The following STAB2 variants were observed in gnomAD, a reference collection of about 807,000 sequenced individuals.
STAB2 encodes stabilin 2.
Under a neutral mutation model 338.1 loss-of-function variants are expected in STAB2, and 288 were observed. The observed-to-expected ratio is 0.85, with a 90% CI of 0.77 to 0.94. STAB2 has a LOEUF of 0.94. Ranked by LOEUF, STAB2 falls within the 40% of genes least tolerant of loss-of-function variation. STAB2 has a pLI of 0.00. For missense variants in STAB2, 3,141 were observed against 3,210.1 expected (o/e 0.98, Z 0.52); for synonymous variants, 1,202 against 1,193.3 (o/e 1.01, Z -0.15).
At position 103,739,455 on chromosome 12, in the gene STAB2, G is replaced by A; in HGVS notation, c.5741G>A (p.Trp1914Ter). The change falls in exon 54 of 69, where the codon TGG becomes TAG. Residue 1914 changes from tryptophan (W) to a stop codon, truncating the protein, a stop_gained. Transcript: ENST00000388887. LOFTEE classifies it high-confidence loss of function. ...GTCAATACTCCCAGCTGCCCAAGGT[G>A]GAGTAAACCAAAGGTAATTAAGACT... ...SCVNTPSCPR[W>*]SKPKGVKQKC... is the part of the protein sequence containing the mutation. 2 of 1,592,996 alleles carry A rather than the reference G, an allele frequency of 1.3e-6. No individual in the cohort carries two copies. The highest frequency in any genetic ancestry group is 8.5e-7 in the Non-Finnish European group (1 of 1,169,740).
At chr12:103,682,431 C>T (rs746756866) in intron 25 of STAB2, among the ~76,000 whole-genome samples, 12 of 152,140 alleles carry the variant, frequency 7.9e-5, no homozygotes, top group Non-Finnish European at 1.3e-4. Context: ...ACCTTAATTA[C>T]GAGGAATGCT....
intron 25 of STAB2, among the ~76,000 whole-genome samples, chr12:103,682,039 T>C (rs1012057070): frequency 2.0e-5 from 3 of 152,194 alleles, no homozygotes; most frequent in African/African-American, 4.8e-5. Context: ...ACAAATGAAT[T>C]TGGGAATAAG....
At chr12:103,714,023 C>T (rs1312782151) in intron 42 of STAB2, among the ~76,000 whole-genome samples, 1 of 152,146 alleles carries the variant, frequency 6.6e-6, no homozygotes, top group East Asian at 1.9e-4. Flanking sequence ...AACATTTAAA[C>T]TTTTATTAGT....
intron 2 of STAB2, among the ~76,000 whole-genome samples, chr12:103,592,985 A>G (rs563680787): frequency 7.2e-5 from 11 of 152,300 alleles, no homozygotes; most frequent in Non-Finnish European, 1.0e-4. Context: ...TGTTGTCGCA[A>G]GTTACAAGAT....
chr12:103,717,963 A>G (rs1469786213), intron 44 of STAB2, 122 bp downstream of exon 44: 1 of 927,574 alleles, frequency 1.1e-6, no homozygotes, highest in East Asian at 2.4e-5. Context: ...CTGTGTGTTG[A>G]CCATGAGGCT....
intron 15 of STAB2, chr12:103,657,931 G>A (rs1198041547): frequency 6.6e-6 from 1 of 152,160 alleles, no homozygotes; most frequent in African/African-American, 2.4e-5. Flanking sequence ...TTTAGAAGAA[G>A]GGCTTCTAAT....
intron 20 of STAB2, 92 bp downstream of exon 20, chr12:103,668,821 A>G: frequency 8.6e-7 from 1 of 1,164,318 alleles, no homozygotes. Context: ...ACGTGGTCAC[A>G]GGTGGCCCGT....
chr12:103,632,652 T>C (rs1957480943), intron 6 of STAB2, among the ~76,000 whole-genome samples: 1 of 152,162 alleles, frequency 6.6e-6, no homozygotes, highest in South Asian at 2.1e-4. Flanking sequence ...GAACTCTGGG[T>C]GCACCGCTGG....
At chr12:103,676,837 T>G (rs1316801044) in intron 24 of STAB2, among the ~76,000 whole-genome samples, 1 of 152,210 alleles carries the variant, frequency 6.6e-6, no homozygotes, top group Admixed American at 6.5e-5. Context: ...ATCATGTTTT[T>G]CAGGTTTAAG....
chr12:103,755,285 T>C lies in STAB2; in HGVS notation c.6715-17T>C, dbSNP rs1884010124. 2 of 1,612,528 alleles carry C rather than the reference T, an allele frequency of 1.2e-6. No individual in the cohort carries two copies. The highest frequency in any genetic ancestry group is 1.7e-6 in the Non-Finnish European group (2 of 1,179,394). On this transcript the variant is annotated splice_polypyrimidine_tract_variant and intron_variant, in intron 61 of 68. Transcript: ENST00000388887. ...TGAACTTGCAGCTGACCCATGGCCC[T>C]GTCTGTATCCCTGCAGGCCAAGTAC...
chr12:103,687,333 TAA>T (rs879795588), intron 27 of STAB2, among the ~76,000 whole-genome samples: 1 of 145,158 alleles, frequency 6.9e-6, no homozygotes, highest in African/African-American at 2.5e-5. Context: ...TTAGAGACAT[TAA>T]AAAAAAAAAA....
intron 24 of STAB2, 79 bp downstream of exon 24, chr12:103,676,100 C>A (rs569505089): frequency 3.8e-6 from 4 of 1,039,190 alleles, no homozygotes; most frequent in Non-Finnish European, 5.2e-6. Context: ...CTCGCTCTGT[C>A]GCCCAGGCTG....
At chr12:103,763,841 A>C in intron 68 of STAB2, 1 of 395,736 alleles carries the variant, frequency 2.5e-6, no homozygotes, top group Non-Finnish European at 4.5e-6. Context: ...GAGACAGGCG[A>C]GAACAAGAGG....
intron 18 of STAB2, among the ~76,000 whole-genome samples, chr12:103,666,075 C>T (rs1875067471): frequency 6.6e-6 from 1 of 152,202 alleles, no homozygotes; most frequent in Admixed American, 6.5e-5. Context: ...TCAGTTTTCT[C>T]TCCTAAACTC....
intron 33 of STAB2, among the ~76,000 whole-genome samples, chr12:103,696,240 T>C (rs569293730): frequency 6.6e-6 from 1 of 151,868 alleles, no homozygotes; most frequent in Non-Finnish European, 1.5e-5. Flanking sequence ...ACATGGTTTC[T>C]CCAGAGCAGT....
Position 103,733,076 on chromosome 12 carries a change from A to G in STAB2, c.5354A>G (p.Gln1785Arg). Residue 1785 changes from glutamine to arginine, a missense_variant, in exon 51 of 69, where the codon CAA becomes CGA. Physicochemically the swap from Gln to Arg is conservative, Grantham distance 43. Transcript: ENST00000388887. ...TPVTLFWPTD[Q>R]ALHALPAEQQ... ...GTCACTCTCTTCTGGCCCACCGACC[A>G]AGCCCTCCATGCCCTACCTGCTGAA... The G allele has an allele frequency of 6.2e-7, 1 of 1,614,114 alleles. No homozygotes were observed. The highest frequency in any genetic ancestry group is 8.5e-7 in the Non-Finnish European group (1 of 1,180,010).
Position 103,762,915 on chromosome 12 carries a change from A to T in STAB2, c.7488+513A>T, listed in dbSNP as rs1387713465. ...AGCTCTTGACTGGCTGTGTAAGAAT[A>T]TGGCCGGGGCAGCAGCACAGCGGTT... On this transcript the variant is annotated intron_variant, in intron 67 of 68. Transcript: ENST00000388887. 2.0e-5 allele frequency among the ~76,000 whole-genome samples: 3 copies of T among 152,280 alleles called. No individual in the cohort carries two copies. The East Asian group carries it at 5.8e-4, about 29-fold the overall frequency.
intron 44 of STAB2, among the ~76,000 whole-genome samples, chr12:103,718,723 T>C (rs1332472607): frequency 6.6e-6 from 1 of 152,252 alleles, no homozygotes; most frequent in Non-Finnish European, 1.5e-5. Flanking sequence ...ATGAGCTTAT[T>C]ATAACTCAAG....
At chr12:103,729,037 T>C (rs567100253) in intron 48 of STAB2, 42 bp downstream of exon 48, 8 of 1,605,414 alleles carry the variant, frequency 5.0e-6, no homozygotes, top group African/African-American at 2.7e-5. Flanking sequence ...CCCTAGATCA[T>C]GTCCTTTGCA....
Sources: allele counts gnomAD v4.1 joint callset (sites outside exome capture counted in the v4.1 genomes callset), GRCh38; gene constraint gnomAD v4.1.1; transcripts MANE v1.5; gene names NCBI Gene and HGNC (gene_info 2026-07-23, HGNC 2026-07-21).